The following CDH1 variants were observed in gnomAD, a reference collection of about 807,000 sequenced individuals.
CDH1 encodes the protein cadherin 1.
A neutral mutation model predicts 84.5 loss-of-function variants in CDH1; 35 were observed. The observed-to-expected ratio is 0.41, with a 90% CI of 0.32 to 0.55. The LOEUF (loss-of-function observed/expected upper bound fraction) is 0.55. Ranked by LOEUF, CDH1 falls within the 20% of genes least tolerant of loss-of-function variation. The pLI is 0.19. For missense variants in CDH1, 994 were observed against 1,126.6 expected, an observed-to-expected ratio of 0.88 and a Z score of 1.68; for synonymous variants, 417 against 439.0, an observed-to-expected ratio of 0.95 and a Z score of 0.63.
In CDH1 at chr16:68,813,369, G is replaced by A. The variant is rs1303655653; in HGVS notation, c.1194G>A (p.Val398=). 1 of 1,614,172 alleles carries A rather than the reference G, an allele frequency of 6.2e-7. No individual in the cohort carries two copies. The highest frequency in any genetic ancestry group is 8.5e-7 in the Non-Finnish European group (1 of 1,180,046). ...EANVVITTLK[V]TDADAPNTPA... ...ACGTCGTAATCACCACACTGAAAGT[G>A]ACTGATGCTGATGCCCCCAATACCC... The change falls in exon 9 of 16, where the codon GTG becomes GTA. Residue 398 remains valine (V), a synonymous_variant. Coordinates refer to ENST00000261769, the MANE Select transcript of CDH1 (RefSeq NM_004360.5).
intron 2 of CDH1, among the ~76,000 whole-genome samples, chr16:68,789,068 A>G (rs4420522): frequency 0.27 from 41,098 of 151,988 alleles, 5,723 homozygotes; most frequent in Middle Eastern, 0.32. Flanking sequence ...GTGTCACCCA[A>G]GCTGGAGTGC....
At position 68,751,043 on chromosome 16, in the gene CDH1, A is replaced by G. The variant is rs560355841; in HGVS notation, c.163+12632A>G. Among the ~76,000 whole-genome samples, 237 of 152,060 alleles carry G rather than the reference A, an allele frequency of 1.6e-3. 1 individual carries two copies. The highest frequency in any genetic ancestry group is 5.4e-3 in the African/African-American group (226 of 41,478). ...GAAGTTTCAGCATGTCTTCACCTTCATTGTCGCAGCAGCTTCCTTCCTGGT... is the reference window on the plus strand; with the variant it reads ...GAAGTTTCAGCATGTCTTCACCTTCGTTGTCGCAGCAGCTTCCTTCCTGGT... On this transcript the variant is annotated intron_variant, in intron 2 of 15. Transcript: ENST00000261769.
At chr16:68,746,826 G>A (rs1159748417) in intron 2 of CDH1, among the ~76,000 whole-genome samples, 1 of 152,186 alleles carries the variant, frequency 6.6e-6, no homozygotes, top group African/African-American at 2.4e-5. Flanking sequence ...GTGCATGCCT[G>A]TAATCCCAGC....
intron 2 of CDH1, among the ~76,000 whole-genome samples, chr16:68,779,179 C>G (rs922375773): frequency 1.3e-5 from 2 of 152,226 alleles, no homozygotes; most frequent in African/African-American, 4.8e-5. Context: ...GCACTTTTAG[C>G]CTTCCACCTG....
chr16:68,807,168 G>A (rs1960688176), intron 3 of CDH1, among the ~76,000 whole-genome samples: 2 of 152,072 alleles, frequency 1.3e-5, no homozygotes, highest in Admixed American at 6.5e-5. Context: ...TATCTTTATT[G>A]CATATGAAAA....
At chr16:68,766,460 G>A (rs140602938) in intron 2 of CDH1, among the ~76,000 whole-genome samples, 363 of 152,050 alleles carry the variant, frequency 2.4e-3, no homozygotes, top group Middle Eastern at 6.8e-3. Context: ...TTCTTTCAAG[G>A]GCATCTTGTC....
chr16:68,802,731 A>G (rs1236080356), intron 3 of CDH1, among the ~76,000 whole-genome samples: 1 of 152,140 alleles, frequency 6.6e-6, no homozygotes, highest in Non-Finnish European at 1.5e-5. Flanking sequence ...TCAGCCTCCC[A>G]AAGTGCTGGA....
intron 3 of CDH1, among the ~76,000 whole-genome samples, chr16:68,804,996 ATTTTT>A (rs71148951): frequency 1.1e-5 from 1 of 89,698 alleles, no homozygotes; most frequent in Non-Finnish European, 2.1e-5. Flanking sequence ...TGCCCAGCTA[ATTTTT>A]TTTTTTTTTT....
rs1555515649 is a variant in CDH1 at position 68,811,812 on chromosome 16, A to G, written c.961A>G (p.Arg321Gly). The change falls in exon 7 of 16, where the codon AGG becomes GGG. Residue 321 changes from arginine to glycine, a missense_variant. Arg to Gly is a moderately radical substitution (Grantham distance 125, BLOSUM62 -2). Around this residue, in one of 3 missense-constraint regions of CDH1, gnomAD observed 769 missense variants for 881.8 expected, o/e 0.87. Coordinates refer to ENST00000261769, the MANE Select transcript of CDH1 (RefSeq NM_004360.5). Reference protein sequence around the residue: ...LPDKNMFTINRNTGVISVVTT... With the variant: ...LPDKNMFTINGNTGVISVVTT... The stretch of plus-strand genomic sequence containing the variant: ...TGACAAAAATATGTTCACCATTAAC[A>G]GGAACACAGGAGTCATCAGTGTGGT... 1.9e-6 allele frequency: 3 copies of G among 1,614,208 alleles called. No individual in the cohort carries two copies. Among genetic ancestry groups the G allele is most frequent in the Non-Finnish European group, 2.5e-6 (3 of 1,180,032 alleles).
In CDH1 at chr16:68,801,695, A is replaced by T. The variant is rs2152126635; in HGVS notation, c.189A>T (p.Arg63=). The change falls in exon 3 of 16, where the codon CGA becomes CGT. Residue 63 remains arginine, a synonymous_variant. Coordinates refer to ENST00000261769, the MANE Select transcript of CDH1 (RefSeq NM_004360.5). ...TGAATTTTGAAGATTGCACCGGTCG[A>T]CAAAGGACAGCCTATTTTTCCCTCG... ...GRVNFEDCTG[R]QRTAYFSLDT... is the part of the protein sequence containing the mutation. 6.2e-7 allele frequency: 1 copy of T among 1,614,162 alleles called. No homozygotes were observed. Among genetic ancestry groups the T allele is most frequent in the South Asian group, 1.1e-5 (1 of 91,088 alleles).
chr16:68,747,834 G>T (rs8062732), intron 2 of CDH1, among the ~76,000 whole-genome samples: 9,602 of 152,080 alleles, frequency 0.063, 723 homozygotes, highest in African/African-American at 0.19. Context: ...CGCAATCTCA[G>T]CTTGCTGCAG....
intron 2 of CDH1, among the ~76,000 whole-genome samples, chr16:68,789,548 AAACAT>A (rs1960155170): frequency 6.6e-6 from 1 of 151,432 alleles, no homozygotes; most frequent in Non-Finnish European, 1.5e-5. Flanking sequence ...AGCTTTATCG[AAACAT>A]AATCCACATA....
intron 2 of CDH1, among the ~76,000 whole-genome samples, chr16:68,774,617 TAAATA>T (rs1959677233): frequency 6.6e-6 from 1 of 151,942 alleles, no homozygotes; most frequent in Admixed American, 6.6e-5. Context: ...TACCCTGTCA[TAAATA>T]AAATAAGTAA....
Position 68,780,123 on chromosome 16 carries a change from GTCCTTCCAAAGGGGACCGTGTGGC to G in CDH1, c.164-21543_164-21520del, listed in dbSNP as rs545729205. On this transcript the variant is annotated intron_variant, in intron 2 of 15. Coordinates refer to ENST00000261769, the MANE Select transcript of CDH1 (RefSeq NM_004360.5). ...GTTTGCTTTTCCCTCTGCCTGAAAT[GTCCTTCCAAAGGGGACCGTGTGGC>G]TCCCTTCCTCCCTCCTTCCCTCCCT... Among the ~76,000 whole-genome samples, 823 of 152,138 alleles carry G rather than the reference GTCCTTCCAAAGGGGACCGTGTGGC, an allele frequency of 5.4e-3. 3 individuals are homozygous for G. Among genetic ancestry groups the G allele is most frequent in the Admixed American group, 8.8e-3 (134 of 15,254 alleles).
At chr16:68,737,515 C>CGCCCCGGCCCCGT (rs1962431059) in intron 1 of CDH1, 52 bp downstream of exon 1, 2 of 1,351,408 alleles carry the variant, frequency 1.5e-6, no homozygotes, top group Non-Finnish European at 2.0e-6. Flanking sequence ...GCAAGCTCCG[C>CGCCCCGGCCCCGT]GCCCCAGCCC....
chr16:68,739,339 C>G (rs1242771065), intron 2 of CDH1, among the ~76,000 whole-genome samples: 1 of 151,980 alleles, frequency 6.6e-6, no homozygotes, highest in East Asian at 1.9e-4. Flanking sequence ...ATTGCTTAAA[C>G]CCAGGAGGCA....
intron 2 of CDH1, among the ~76,000 whole-genome samples, chr16:68,796,829 T>C (rs879389960): frequency 1.3e-5 from 2 of 151,960 alleles, no homozygotes; most frequent in Non-Finnish European, 2.9e-5. Context: ...AAGGAAAATA[T>C]GTTGTTGTTG....
intron 5 of CDH1, among the ~76,000 whole-genome samples, chr16:68,809,161 A>C (rs1960751846): frequency 6.6e-6 from 1 of 151,826 alleles, no homozygotes; most frequent in South Asian, 2.1e-4. Context: ...GACAGTGATG[A>C]TATAAGGGAG....
At chr16:68,822,397 T>C (rs1239050599) in intron 12 of CDH1, among the ~76,000 whole-genome samples, 172 bp downstream of exon 12, 1 of 152,064 alleles carries the variant, frequency 6.6e-6, no homozygotes, top group Non-Finnish European at 1.5e-5. Flanking sequence ...TCTTTTTCCT[T>C]TCCTGGTATC....
Sources: allele counts gnomAD v4.1 joint callset (sites outside exome capture counted in the v4.1 genomes callset), GRCh38; gene constraint gnomAD v4.1.1; regional missense constraint gnomAD v4.1.1; transcripts MANE v1.5; gene names NCBI Gene and HGNC (gene_info 2026-07-23, HGNC 2026-07-21).